JPH1: variants seen among roughly 807,000 people sequenced by gnomAD.
JPH1 encodes junctophilin 1.
JPH1 carries 12 observed loss-of-function variants against 53.6 expected under a neutral mutation model. The observed-to-expected ratio is 0.22, with a 90% CI of 0.14 to 0.36. The LOEUF is 0.36. JPH1 is among the 10% of genes least tolerant of loss of function. JPH1 has a pLI of 1.00. For synonymous variants in JPH1, 375 were observed against 363.8 expected (o/e 1.03, Z -0.35); for missense variants, 808 against 905.5 (o/e 0.89, Z 1.38).
In JPH1 at chr8:74,315,233, G is replaced by A. The variant is rs1391584969; in HGVS notation, c.767C>T (p.Thr256Met). Residue 256 changes from threonine (T) to methionine (M), a missense_variant, in exon 2 of 6, where the codon ACG (threonine) becomes ATG (methionine). Physicochemically the swap from Thr to Met is moderately conservative, Grantham distance 81 (BLOSUM62 -1). This residue lies in a region of JPH1 where 756 missense variants were observed against 811.9 expected (regional missense o/e 0.93). Coordinates refer to ENST00000342232, the MANE Select transcript of JPH1 (RefSeq NM_020647.4). The surrounding 1 kb of genome is among the most constrained non-coding windows in gnomAD (Gnocchi z 6.3). ...SRISSSDANS[T>M]ISFGDVDCDF... ...ACAATCTACATCGCCAAAGCTGATCGTGGAGTTGGCATCGCTGGAACTAAT... is the reference window on the plus strand; with the variant it reads ...ACAATCTACATCGCCAAAGCTGATCATGGAGTTGGCATCGCTGGAACTAAT... The A allele has an allele frequency of 1.1e-5, 17 of 1,614,062 alleles. No homozygotes were observed. In the East Asian group the frequency reaches 2.9e-4, roughly 27 times the overall value.
intron 2 of JPH1, among the ~76,000 whole-genome samples, chr8:74,292,792 T>G (rs750425548): frequency 5.9e-5 from 9 of 152,200 alleles, no homozygotes; most frequent in Non-Finnish European, 1.3e-4. Context: ...AATGTAGATG[T>G]GTAGGTGGGC....
At chr8:74,292,732 C>G (rs1399450224) in intron 2 of JPH1, among the ~76,000 whole-genome samples, 2 of 152,170 alleles carry the variant, frequency 1.3e-5, no homozygotes. Flanking sequence ...TAAATTCTGG[C>G]TATTTCTTCT....
intron 1 of JPH1, among the ~76,000 whole-genome samples, chr8:74,317,665 C>T (rs1276446182): frequency 1.3e-5 from 2 of 152,188 alleles, no homozygotes; most frequent in Non-Finnish European, 2.9e-5. Flanking sequence ...ATCACATCCT[C>T]CTAACTTTTG....
At chr8:74,286,757 G>C (rs907589755) in intron 2 of JPH1, among the ~76,000 whole-genome samples, 7 of 152,136 alleles carry the variant, frequency 4.6e-5, no homozygotes, top group African/African-American at 1.7e-4. Context: ...AAAATAATCT[G>C]GCTTTAAAAT....
At chr8:74,270,696 A>T (rs933356081) in intron 2 of JPH1, among the ~76,000 whole-genome samples, 1 of 152,222 alleles carries the variant, frequency 6.6e-6, no homozygotes, top group Non-Finnish European at 1.5e-5. Context: ...TACAAGAATC[A>T]TGTTAAACCT....
At position 74,237,302 on chromosome 8, in the gene JPH1, C is replaced by A; in HGVS notation, c.1907G>T (p.Gly636Val). The A allele has an allele frequency of 3.1e-6, 5 of 1,610,208 alleles. No individual in the cohort carries two copies. The highest frequency in any genetic ancestry group is 4.2e-6 in the Non-Finnish European group (5 of 1,178,136). ...AAGGACAATCATGATTGAATTAGGG[C>A]CCTGAAAATGAAAGAGAACAAAGTA... ...CPALEKEANS[G>V]PNSIMIVLVM... is the part of the protein sequence containing the mutation. Residue 636 changes from glycine to valine, a missense_variant and splice_region_variant, in exon 5 of 6, where the codon GGC becomes GTC. Coordinates refer to ENST00000342232, the MANE Select transcript of JPH1 (RefSeq NM_020647.4).
intron 2 of JPH1, among the ~76,000 whole-genome samples, chr8:74,312,361 C>A (rs1808022600): frequency 6.6e-6 from 1 of 152,120 alleles, no homozygotes; most frequent in African/African-American, 2.4e-5. Flanking sequence ...AAGCCATCCT[C>A]TCACCTCAGT....
chr8:74,239,545 GTTAA>G (rs1805634516), intron 4 of JPH1, among the ~76,000 whole-genome samples: 1 of 152,252 alleles, frequency 6.6e-6, no homozygotes, highest in East Asian at 1.9e-4. Flanking sequence ...CTCAATTATG[GTTAA>G]TTTAGAGCAT....
At chr8:74,287,910 AC>A (rs1296142839) in intron 2 of JPH1, among the ~76,000 whole-genome samples, 1 of 152,166 alleles carries the variant, frequency 6.6e-6, no homozygotes, top group East Asian at 1.9e-4. Context: ...TAAAGAGAAA[AC>A]ATCTATGTCG....
Position 74,244,608 on chromosome 8 carries a change from G to A in JPH1, c.1826C>T (p.Ala609Val), listed in dbSNP as rs781114654. The A allele has an allele frequency of 2.5e-6, 4 of 1,614,222 alleles. No individual in the cohort carries two copies. Among genetic ancestry groups the A allele is most frequent in the Non-Finnish European group, 3.4e-6 (4 of 1,180,050 alleles). The change falls in exon 4 of 6, where the codon GCT becomes GTT. Residue 609 changes from alanine to valine, a missense_variant. This residue lies in a region of JPH1 where 756 missense variants were observed against 811.9 expected (regional missense o/e 0.93). Transcript: ENST00000342232. ...VAKESKAEPK[A>V]KKSELAIPKN... ...TGGTATAGCAAGTTCAGACTTCTTA[G>A]CTTTTGGCTCAGCTTTGCTTTCTTT...
intron 2 of JPH1, among the ~76,000 whole-genome samples, chr8:74,314,591 C>T (rs1164212645): frequency 1.3e-5 from 2 of 152,200 alleles, no homozygotes; most frequent in African/African-American, 4.8e-5. Flanking sequence ...TCTCAGTGAA[C>T]TCCCTCACGC....
Position 74,255,530 on chromosome 8 carries a change from C to A in JPH1, c.1258+3855G>T, listed in dbSNP as rs1319907922. On this transcript the variant is annotated intron_variant, in intron 3 of 5. Coordinates refer to ENST00000342232, the MANE Select transcript of JPH1 (RefSeq NM_020647.4). ...ACACCAAAAGCAATGGCAACAAAAG[C>A]CAAAATTGACAAATGGGATCTAATT... Among the ~76,000 whole-genome samples the A allele has an allele frequency of 8.5e-5, 13 of 152,136 alleles. No individual in the cohort carries two copies. In the South Asian group the frequency reaches 2.5e-3, roughly 29 times the overall value.
At chr8:74,278,987 G>A (rs1370618913) in intron 2 of JPH1, among the ~76,000 whole-genome samples, 9 of 131,834 alleles carry the variant, frequency 6.8e-5, no homozygotes, top group South Asian at 5.4e-4. Context: ...ACGCACACGC[G>A]CGCACACACA....
Position 74,315,347 on chromosome 8 carries a change from A to G in JPH1, c.653T>C (p.Leu218Pro), listed in dbSNP as rs1247605960. Residue 218 changes from leucine (L) to proline (P), a missense_variant, in exon 2 of 6, where the codon CTT (leucine) becomes CCT (proline). By Grantham distance (98) the Leu-to-Pro change is moderately conservative. Transcript: ENST00000342232. The surrounding 1 kb of genome is among the most constrained non-coding windows in gnomAD (Gnocchi z 6.3). ...GGACTTGCGAAGTTTCATGCTTCCA[A>G]GAAGGGAGCCCCTCCGGAAGAGGCC... Reference protein sequence around the residue: ...KGGLFRRGSLLGSMKLRKSES... With the variant: ...KGGLFRRGSLPGSMKLRKSES... 1 of 1,613,392 alleles carries G rather than the reference A, an allele frequency of 6.2e-7. No homozygotes were observed. The highest frequency in any genetic ancestry group is 8.5e-7 in the Non-Finnish European group (1 of 1,180,006).
chr8:74,237,403 G>A, intron 4 of JPH1, 100 bp from the exon 5 acceptor site: 3 of 934,132 alleles, frequency 3.2e-6, no homozygotes, highest in Non-Finnish European at 3.4e-6. Context: ...TAACATGATT[G>A]CAGTAAATAA....
chr8:74,235,740 A>G lies in JPH1; in HGVS notation c.*1311T>C, dbSNP rs548497407. The G allele has an allele frequency of 4.6e-5, 7 of 152,790 alleles. No individual in the cohort carries two copies. The highest frequency in any genetic ancestry group is 1.7e-4 in the African/African-American group (7 of 41,596). 9.5% of individuals were successfully genotyped at this position (152,790 alleles called of 1,614,324 possible). A position where few individuals can be genotyped will look rare whatever the true frequency, so the allele number is the denominator to read the frequency against. Reference sequence around the variant, plus strand: ...AAATCCAGAAATGTCAGAATGACAAAAGACTGTAAAAGACACATATTTAAA... The same window carrying G: ...AAATCCAGAAATGTCAGAATGACAAGAGACTGTAAAAGACACATATTTAAA... On this transcript the variant is annotated 3_prime_UTR_variant, in exon 6 of 6. Transcript: ENST00000342232.
chr8:74,305,789 T>G (rs1563419903), intron 2 of JPH1, among the ~76,000 whole-genome samples: 1 of 152,196 alleles, frequency 6.6e-6, no homozygotes, highest in African/African-American at 2.4e-5. Flanking sequence ...TGGAAGTCCA[T>G]GCCTACACAA....
intron 2 of JPH1, among the ~76,000 whole-genome samples, chr8:74,301,062 T>A (rs1038810093): frequency 6.6e-6 from 1 of 151,952 alleles, no homozygotes; most frequent in Non-Finnish European, 1.5e-5. Context: ...GGTATTAGAG[T>A]ATCATCCACA....
intron 2 of JPH1, among the ~76,000 whole-genome samples, chr8:74,265,837 C>T (rs1302148340): frequency 6.6e-6 from 1 of 151,466 alleles, no homozygotes; most frequent in Non-Finnish European, 1.5e-5. Context: ...CAAAGAGACA[C>T]AAATGTCCAA....
Sources: gnomAD v4.1 joint callset for allele counts (sites outside exome capture counted in the v4.1 genomes callset) on GRCh38, gnomAD v4.1.1 for gene constraint, gnomAD v4.1.1 regional missense constraint, Gnocchi (gnomAD v3.1) non-coding constraint, MANE v1.5 for transcripts, NCBI Gene and HGNC (gene_info 2026-07-23, HGNC 2026-07-21) for gene names.